The following NIPSNAP3B variants were observed in gnomAD, a reference collection of about 807,000 sequenced individuals.
NIPSNAP3B encodes the protein protein NipSnap homolog 3B.
Under a neutral mutation model 31.5 loss-of-function variants are expected in NIPSNAP3B, and 30 were observed. The observed-to-expected ratio is 0.95, with a 90% CI of 0.71 to 1.29. NIPSNAP3B has a LOEUF of 1.29. Ranked by LOEUF, NIPSNAP3B falls within the 50% of genes most tolerant of loss-of-function variation. NIPSNAP3B has a pLI of 0.00. For synonymous variants in NIPSNAP3B, 106 were observed against 107.9 expected (o/e 0.98, Z 0.11); for missense variants, 269 against 300.7 (o/e 0.89, Z 0.78).
Position 104,766,555 on chromosome 9 carries a change from T to G in NIPSNAP3B, c.271+20T>G. On this transcript the variant is annotated intron_variant, in intron 2 of 5. Transcript: ENST00000374762. ...AGTATGGTAAAGAGTCATCCAGTTTTAGTATTCAGTATAGATTTTCATTCT... is the reference window on the plus strand; with the variant it reads ...AGTATGGTAAAGAGTCATCCAGTTTGAGTATTCAGTATAGATTTTCATTCT... The G allele has an allele frequency of 6.3e-7, 1 of 1,594,828 alleles. No homozygotes were observed. Among genetic ancestry groups the G allele is most frequent in the Non-Finnish European group, 8.6e-7 (1 of 1,163,698 alleles).
At chr9:104,780,609 C>T (rs565825528), downstream of NIPSNAP3B, among the ~76,000 whole-genome samples, 1 of 152,312 alleles carries the variant, frequency 6.6e-6, no homozygotes, top group South Asian at 2.1e-4. Context: ...CCCAGTATAA[C>T]TGCTACATTG....
At chr9:104,788,379 G>C in the NIPSNAP3B span, 1 of 1,613,374 alleles carries the variant, frequency 6.2e-7, no homozygotes, top group Non-Finnish European at 8.5e-7. Context: ...GGTATATATT[G>C]TCAGGATGCC....
At chr9:104,784,352 AAAGAT>A in the NIPSNAP3B span, 4 of 1,614,102 alleles carry the variant, frequency 2.5e-6, no homozygotes, top group Non-Finnish European at 3.4e-6. Context: ...ATCCTGTAGA[AAAGAT>A]GTGAGAACTG....
the NIPSNAP3B span, chr9:104,784,194 C>T: frequency 7.9e-7 from 1 of 1,260,600 alleles, no homozygotes; most frequent in Non-Finnish European, 1.1e-6. Flanking sequence ...AGTATCAGTA[C>T]AGTATCCAGT....
In NIPSNAP3B at chr9:104,774,396, T is replaced by C. The variant is rs1300338414; in HGVS notation, c.*1323T>C. Among the ~76,000 whole-genome samples the C allele has an allele frequency of 6.6e-6, 1 of 152,104 alleles. No homozygotes were observed. Among genetic ancestry groups the C allele is most frequent in the African/African-American group, 2.4e-5 (1 of 41,420 alleles). ...CCTCAGCATTCTTTTCCATGCAGAG[T>C]TCAAAGAGGCCTAAGACATCTCACA... On this transcript the variant is annotated 3_prime_UTR_variant, in exon 6 of 6. Coordinates refer to ENST00000374762, the MANE Select transcript of NIPSNAP3B (RefSeq NM_018376.4).
Position 104,764,374 on chromosome 9 carries a change from C to G in NIPSNAP3B, c.60+74C>G, listed in dbSNP as rs372584425. 7.1e-5 allele frequency: 93 copies of G among 1,300,734 alleles called. No individual in the cohort carries two copies. In the East Asian group the frequency reaches 1.6e-3, roughly 22 times the overall value. The allele number at this position is 1,300,734 out of a possible 1,614,324, so 80.6% of individuals were successfully genotyped here. On this transcript the variant is annotated intron_variant, in intron 1 of 5. Coordinates refer to ENST00000374762, the MANE Select transcript of NIPSNAP3B (RefSeq NM_018376.4). ...GGGCGGGGGGTATTTCTGAAGCGTG[C>G]GAGCCACGCTCAGGCGCTCCCAGAC...
chr9:104,771,837 T>G (rs1266509876), intron 4 of NIPSNAP3B, among the ~76,000 whole-genome samples: 1 of 152,162 alleles, frequency 6.6e-6, no homozygotes, highest in African/African-American at 2.4e-5. Flanking sequence ...TAATTTACAC[T>G]CCCACCAACA....
the NIPSNAP3B span, chr9:104,785,331 G>A: frequency 5.6e-6 from 9 of 1,601,620 alleles, no homozygotes; most frequent in Non-Finnish European, 7.7e-6. Flanking sequence ...GGACCTATGG[G>A]CGGGAGTGTC....
intron 2 of NIPSNAP3B, among the ~76,000 whole-genome samples, chr9:104,767,068 T>TC (rs1416462382): frequency 3.3e-5 from 5 of 151,620 alleles, no homozygotes; most frequent in Admixed American, 1.3e-4. Context: ...TAAGATAATT[T>TC]TTTTTTTCTT....
In NIPSNAP3B at chr9:104,769,008, G is replaced by C. The variant is rs1428107321; in HGVS notation, c.417G>C (p.Lys139Asn). ...TGATACCATGGTCCAAATTAGAAAA[G>C]CCTCCAAAAGAAGGTGAGTTCTTCC... ...TYLIPWSKLE[K>N]PPKEGVYELA... The change falls in exon 3 of 6, where the codon AAG (lysine) becomes AAC (asparagine). Residue 139 changes from lysine (K) to asparagine (N), a missense_variant. Coordinates refer to ENST00000374762, the MANE Select transcript of NIPSNAP3B (RefSeq NM_018376.4). 1 of 1,611,850 alleles carries C rather than the reference G, an allele frequency of 6.2e-7. No homozygotes were observed. The highest frequency in any genetic ancestry group is 1.3e-5 in the African/African-American group (1 of 74,696).
chr9:104,764,151 C>A lies in NIPSNAP3B; in HGVS notation c.-90C>A. The A allele has an allele frequency of 7.7e-7, 1 of 1,306,310 alleles. No homozygotes were observed. The highest frequency in any genetic ancestry group is 1.3e-5 in the South Asian group (1 of 76,918). 80.9% of individuals were successfully genotyped at this position (1,306,310 alleles called of 1,614,324 possible). A position where few individuals can be genotyped will look rare whatever the true frequency, so the allele number is the denominator to read the frequency against. On this transcript the variant is annotated 5_prime_UTR_variant, in exon 1 of 6. Coordinates refer to ENST00000374762, the MANE Select transcript of NIPSNAP3B (RefSeq NM_018376.4). ...GCCCCTGCCTGAGTTCGCCAGTGGT[C>A]CAGGAGCCGCTTTTTTCCACTCGGG... is the stretch of plus-strand genomic sequence containing the variant.
At chr9:104,786,984 T>G in the NIPSNAP3B span, 1 of 1,607,858 alleles carries the variant, frequency 6.2e-7, no homozygotes, top group Non-Finnish European at 8.5e-7. Context: ...ATCCTGTAAT[T>G]AGAATAAAAT....
Position 104,773,123 on chromosome 9 carries a change from G to A in NIPSNAP3B, c.*50G>A. 6.5e-7 allele frequency: 1 copy of A among 1,548,570 alleles called. No individual in the cohort carries two copies. On this transcript the variant is annotated 3_prime_UTR_variant, in exon 6 of 6. Coordinates refer to ENST00000374762, the MANE Select transcript of NIPSNAP3B (RefSeq NM_018376.4). Reference sequence around the variant, plus strand: ...TCATTAACTGCTCTAAGATGTGTCTGCTAATGGTGCTTAAATTCTCCCAAG... The same window carrying A: ...TCATTAACTGCTCTAAGATGTGTCTACTAATGGTGCTTAAATTCTCCCAAG...
chr9:104,770,494 T>C lies in NIPSNAP3B; in HGVS notation c.431-355T>C, dbSNP rs141115300. The stretch of plus-strand genomic sequence containing the variant: ...TCTTATGCATTTCTTTTTTAAAAAG[T>C]GTAGACAGGCAGCTTGAAAATTCTG... On this transcript the variant is annotated intron_variant, in intron 3 of 5. Coordinates refer to ENST00000374762, the MANE Select transcript of NIPSNAP3B (RefSeq NM_018376.4). Among the ~76,000 whole-genome samples, 1,314 of 152,326 alleles carry C rather than the reference T, an allele frequency of 8.6e-3. 24 individuals are homozygous for C. Among genetic ancestry groups the C allele is most frequent in the African/African-American group, 0.03 (1,264 of 41,578 alleles).
At position 104,769,007 on chromosome 9, in the gene NIPSNAP3B, A is replaced by G. The variant is rs1304074864; in HGVS notation, c.416A>G (p.Lys139Arg). ...CTGATACCATGGTCCAAATTAGAAA[A>G]GCCTCCAAAAGAAGGTGAGTTCTTC... Reference protein sequence around the residue: ...TYLIPWSKLEKPPKEGVYELA... With the variant: ...TYLIPWSKLERPPKEGVYELA... Residue 139 changes from lysine to arginine, a missense_variant, in exon 3 of 6, where the codon AAG becomes AGG. Lys to Arg is a conservative substitution (Grantham distance 26). Coordinates refer to ENST00000374762, the MANE Select transcript of NIPSNAP3B (RefSeq NM_018376.4). 3 of 1,612,294 alleles carry G rather than the reference A, an allele frequency of 1.9e-6. No homozygotes were observed. Among genetic ancestry groups the G allele is most frequent in the East Asian group, 4.5e-5 (2 of 44,844 alleles).
In NIPSNAP3B at chr9:104,772,904, G is replaced by A. The variant is rs375771749; in HGVS notation, c.663G>A (p.Ala221=). The A allele has an allele frequency of 5.6e-5, 91 of 1,613,526 alleles. No homozygotes were observed. The highest frequency in any genetic ancestry group is 2.9e-4 in the South Asian group (26 of 90,994). ...HKSHEDPRVV[A]AVRESVNYLV... The stretch of plus-strand genomic sequence containing the variant: ...CCCATGAGGATCCCAGAGTTGTGGC[G>A]GCTGGTAAGCTGTTTCACTAAGCAC... Residue 221 remains alanine, a synonymous_variant, in exon 5 of 6, where the codon GCG becomes GCA. Coordinates refer to ENST00000374762, the MANE Select transcript of NIPSNAP3B (RefSeq NM_018376.4).
the NIPSNAP3B span, chr9:104,785,426 G>A: frequency 1.9e-6 from 3 of 1,614,078 alleles, no homozygotes; most frequent in East Asian, 4.5e-5. Flanking sequence ...AAACAGAGTA[G>A]TCTTCTATGT....
intron 1 of NIPSNAP3B, 140 bp from the exon 2 acceptor site, chr9:104,766,185 T>C (rs1162354099): frequency 3.2e-6 from 2 of 633,304 alleles, no homozygotes; most frequent in South Asian, 3.8e-5. Flanking sequence ...TGTAAACAAG[T>C]GTATATGGAG....
At chr9:104,788,315 G>T in the NIPSNAP3B span, 1 of 1,479,962 alleles carries the variant, frequency 6.8e-7, no homozygotes, top group Non-Finnish European at 9.4e-7. Context: ...ATTTTGTGCT[G>T]CTGCATTCAT....
Sources: allele counts gnomAD v4.1 joint callset (sites outside exome capture counted in the v4.1 genomes callset), GRCh38; gene constraint gnomAD v4.1.1; transcripts MANE v1.5; gene names NCBI Gene and HGNC (gene_info 2026-07-23, HGNC 2026-07-21).